The following STIM1 variants were observed in gnomAD, a reference collection of about 807,000 sequenced individuals.
The protein encoded by STIM1 is stromal interaction molecule 1.
In STIM1, 25 loss-of-function variants were observed where a neutral mutation model predicts 74.7. The ratio of observed to expected loss-of-function variants is 0.33; its 90% CI spans 0.24 to 0.47. The LOEUF is 0.47. STIM1 is among the 20% of genes least tolerant of loss of function. The probability of loss-of-function intolerance (pLI) is 1.00; values close to 1 mark genes in which losing one functional copy is unlikely to be tolerated. For synonymous variants in STIM1, 328 were observed against 348.8 expected (o/e 0.94, Z 0.66); for missense variants, 728 against 920.8 (o/e 0.79, Z 2.71).
At chr11:3,985,208 C>G (rs4910869) in intron 2 of STIM1, among the ~76,000 whole-genome samples, 284 of 152,146 alleles carry the variant, frequency 1.9e-3, no homozygotes, top group Non-Finnish European at 3.3e-3. Context: ...TTCCTTCCCC[C>G]CTCTTTGTTA....
intron 3 of STIM1, among the ~76,000 whole-genome samples, chr11:4,054,519 C>A (rs2133078891): frequency 6.6e-6 from 1 of 152,258 alleles, no homozygotes; most frequent in Middle Eastern, 3.4e-3. Context: ...TTTGTCAGAT[C>A]AGCAGTGGCA....
At chr11:3,856,448 T>C (rs199843146) in intron 1 of STIM1, 39 bp downstream of exon 1, 26 of 1,607,640 alleles carry the variant, frequency 1.6e-5, no homozygotes, top group Non-Finnish European at 2.1e-5. Context: ...CTGGAGGCTT[T>C]GGCTCAGGAC....
intron 1 of STIM1, among the ~76,000 whole-genome samples, chr11:3,925,692 A>G (rs1295422647): frequency 6.6e-6 from 1 of 152,206 alleles, no homozygotes; most frequent in Non-Finnish European, 1.5e-5. Flanking sequence ...GCCTGCTTGT[A>G]TAAATAAAGT....
In STIM1 at chr11:3,895,853, TTCTC is replaced by T. The variant is rs1247465630; in HGVS notation, c.139+39456_139+39459del. On this transcript the variant is annotated intron_variant, in intron 1 of 12. Transcript: ENST00000526596. ...TCTTTCTTTCTTTCTCTTTCTTTCT[TTCTC>T]TCTCTCTCTCTTTCTTTTCTTTTCT... Among the ~76,000 whole-genome samples the T allele has an allele frequency of 3.9e-4, 44 of 113,228 alleles. 9 individuals are homozygous for T. Among genetic ancestry groups the T allele is most frequent in the African/African-American group, 1.7e-3 (39 of 23,442 alleles). The allele number at this position is 113,228 out of a possible 152,430, so 74.3% of individuals were successfully genotyped here. A position where few individuals can be genotyped will look rare whatever the true frequency, so the allele number is the denominator to read the frequency against.
chr11:3,904,810 T>C (rs1187938236), intron 1 of STIM1, among the ~76,000 whole-genome samples: 1 of 152,106 alleles, frequency 6.6e-6, no homozygotes, highest in Non-Finnish European at 1.5e-5. Context: ...CTTGAGATGG[T>C]TATGGGTGAT....
intron 2 of STIM1, among the ~76,000 whole-genome samples, chr11:4,013,730 A>C (rs947777304): frequency 3.1e-5 from 3 of 95,296 alleles, no homozygotes; most frequent in African/African-American, 1.3e-4. Flanking sequence ...TTTGAGACAG[A>C]GTATCCCTTT....
intron 1 of STIM1, among the ~76,000 whole-genome samples, chr11:3,873,418 C>CAAAAAAA (rs1159126517): frequency 3.5e-5 from 2 of 57,134 alleles, no homozygotes; most frequent in African/African-American, 1.2e-4. Flanking sequence ...AGCTCCATTT[C>CAAAAAAA]AAAAAAAAAA....
Position 3,977,712 on chromosome 11 carries a change from T to G in STIM1, c.270+10030T>G, listed in dbSNP as rs1174117352. ...GTATTCAAAACTTGGCTTTGCCACT[T>G]ACTGGCTATACAACTTTAGGCAAAT... On this transcript the variant is annotated intron_variant, in intron 2 of 12. Transcript: ENST00000526596. Among the ~76,000 whole-genome samples the G allele has an allele frequency of 2.6e-5, 4 of 152,196 alleles. No individual in the cohort carries two copies. In the East Asian group the frequency reaches 7.7e-4, roughly 29 times the overall value.
In STIM1 at chr11:4,055,569, A is replaced by G. The variant is rs2094282235; in HGVS notation, c.429A>G (p.Thr143=). ...ATGAGGTGGTACAGTGGCTGATCAC[A>G]TATGTGGAGCTGCCTCAGTATGAGG... ...TVDEVVQWLI[T]YVELPQYEET... The change falls in exon 4 of 13, where the codon ACA becomes ACG. Residue 143 remains threonine (T), a synonymous_variant. Transcript: ENST00000526596. 1.9e-6 allele frequency: 3 copies of G among 1,601,588 alleles called. No homozygotes were observed. Among genetic ancestry groups the G allele is most frequent in the Non-Finnish European group, 2.6e-6 (3 of 1,175,378 alleles).
intron 2 of STIM1, among the ~76,000 whole-genome samples, chr11:4,008,611 A>G (rs567924893): frequency 1.4e-4 from 22 of 152,338 alleles, no homozygotes; most frequent in African/African-American, 5.0e-4. Context: ...GAGAGTGTCC[A>G]GAGTTTATGC....
chr11:3,999,245 G>A (rs2135894838), intron 2 of STIM1, among the ~76,000 whole-genome samples: 1 of 152,338 alleles, frequency 6.6e-6, no homozygotes, highest in Middle Eastern at 3.4e-3. Flanking sequence ...GGCTGAGGCA[G>A]GAGGACTGCT....
chr11:3,879,792 G>A (rs752362383), intron 1 of STIM1, among the ~76,000 whole-genome samples: 17 of 152,002 alleles, frequency 1.1e-4, no homozygotes, highest in Non-Finnish European at 2.5e-4. Context: ...TGCCTTCAAG[G>A]GTCACTCAAG....
intron 3 of STIM1, among the ~76,000 whole-genome samples, chr11:4,031,251 G>A (rs151322527): frequency 1.6e-3 from 240 of 152,266 alleles, no homozygotes; most frequent in African/African-American, 5.4e-3. Flanking sequence ...TTGCTTAGTA[G>A]TAGTCCATTG....
At chr11:4,019,072 G>T in intron 2 of STIM1, 1 of 184,176 alleles carries the variant, frequency 5.4e-6, no homozygotes. Context: ...TGCCTCCAGT[G>T]TTGCCATCAG....
chr11:3,937,787 C>T (rs190167347), intron 1 of STIM1, among the ~76,000 whole-genome samples: 2 of 152,162 alleles, frequency 1.3e-5, no homozygotes, highest in African/African-American at 4.8e-5. Context: ...TTTCTAGCTT[C>T]CACCACATTC....
At chr11:3,855,497 C>T (rs2090326882), upstream of STIM1, 1 of 151,926 alleles carries the variant, frequency 6.6e-6, no homozygotes, top group African/African-American at 2.4e-5. Flanking sequence ...CCGGGAGAGC[C>T]CGCTAGGGGC....
intron 3 of STIM1, among the ~76,000 whole-genome samples, chr11:4,036,839 G>A (rs781028777): frequency 2.6e-5 from 4 of 152,198 alleles, no homozygotes; most frequent in Non-Finnish European, 5.9e-5. Flanking sequence ...GTTTCATGAT[G>A]AAAATGCCAA....
chr11:3,967,613 A>G lies in STIM1; in HGVS notation c.201A>G (p.Ala67=), dbSNP rs200194500. 7.2e-5 allele frequency: 116 copies of G among 1,614,254 alleles called. 1 individual carries two copies. In the Middle Eastern group the frequency reaches 3.1e-3, roughly 44 times the overall value. The change falls in exon 2 of 13, where the codon GCA becomes GCG. Residue 67 remains alanine (A), a synonymous_variant. Transcript: ENST00000526596. ...AGGATGAGAAACTCAGCTTCGAGGC[A>G]GTCCGTAACATCCACAAACTGATGG... is the stretch of plus-strand genomic sequence containing the variant. ...HSEDEKLSFE[A]VRNIHKLMDD... is the part of the protein sequence containing the mutation.
intron 2 of STIM1, among the ~76,000 whole-genome samples, chr11:4,011,118 T>C (rs1199297295): frequency 1.3e-5 from 2 of 152,218 alleles, no homozygotes; most frequent in Non-Finnish European, 1.5e-5. Flanking sequence ...CAGTCTGTTA[T>C]TGATGGACAT....
Sources: allele counts gnomAD v4.1 joint callset (sites outside exome capture counted in the v4.1 genomes callset), GRCh38; gene constraint gnomAD v4.1.1; transcripts MANE v1.5; gene names NCBI Gene and HGNC (gene_info 2026-07-23, HGNC 2026-07-21).